DNPEP: variants seen among roughly 807,000 people sequenced by gnomAD.
DNPEP encodes the protein aspartyl aminopeptidase.
A neutral mutation model predicts 59.1 loss-of-function variants in DNPEP; 46 were observed. That is an observed-to-expected ratio of 0.78 (90% CI 0.61 to 0.99). The LOEUF is 0.99. Ranked by LOEUF, DNPEP falls within the 50% of genes least tolerant of loss-of-function variation. DNPEP has a pLI of 0.00. For missense variants in DNPEP, 617 were observed against 649.9 expected (o/e 0.95, Z 0.55); for synonymous variants, 229 against 242.2 (o/e 0.95, Z 0.50).
intron 9 of DNPEP, 87 bp downstream of exon 9, chr2:219,384,279 T>G: frequency 7.5e-7 from 1 of 1,327,364 alleles, no homozygotes; most frequent in Non-Finnish European, 1.0e-6. Context: ...TCTCACAACC[T>G]GCTGGGGCTT....
At chr2:219,397,302 C>T (rs1567704) in intron 1 of DNPEP, among the ~76,000 whole-genome samples, 132,860 of 151,554 alleles carry the variant, frequency 0.88, 60,233 homozygotes, top group Non-Finnish European at 0.99. Flanking sequence ...ACCACTGAGA[C>T]TGGCAAACAC....
chr2:219,374,280 T>C lies in DNPEP; in HGVS notation c.*12A>G. 1 of 1,613,362 alleles carries C rather than the reference T, an allele frequency of 6.2e-7. No individual in the cohort carries two copies. ...GTGCAAAGGGATGGCAGAGAAGTCT[T>C]TCCAAGAGGGCTCAATCCACTAAGA... On this transcript the variant is annotated 3_prime_UTR_variant, in exon 15 of 15. Transcript: ENST00000273075.
chr2:219,381,309 C>T lies in DNPEP; in HGVS notation c.1239+26G>A, dbSNP rs562206385. ...CCCCCACCAAGCTCCCTCCATCACA[C>T]CTTCCCAGGCAGGGCCCACCCTCAC... On this transcript the variant is annotated intron_variant, in intron 13 of 14. Transcript: ENST00000273075. The T allele has an allele frequency of 9.3e-6, 15 of 1,607,290 alleles. No individual in the cohort carries two copies. In the African/African-American group the frequency reaches 1.9e-4, roughly 20 times the overall value.
chr2:219,387,457 A>G (rs1475667864), intron 1 of DNPEP: 2 of 1,429,284 alleles, frequency 1.4e-6, no homozygotes, highest in African/African-American at 1.4e-5. Flanking sequence ...TCTGCTCCCA[A>G]ACTCCGGGAT....
At chr2:219,380,379 G>A (rs1361252320) in intron 13 of DNPEP, among the ~76,000 whole-genome samples, 2 of 151,666 alleles carry the variant, frequency 1.3e-5, no homozygotes, top group Non-Finnish European at 2.9e-5. Context: ...GCACCACTCC[G>A]CCTGCCTAAT....
Position 219,375,871 on chromosome 2 carries a change from A to G in DNPEP, c.1240-849T>C, listed in dbSNP as rs142745463. On this transcript the variant is annotated intron_variant, in intron 13 of 14. Transcript: ENST00000273075. Reference sequence around the variant, plus strand: ...CACCTGGCTTCATGATTTTTAAAATATGTACTTTTTTCTTGCTATGTCCAT... The same window carrying G: ...CACCTGGCTTCATGATTTTTAAAATGTGTACTTTTTTCTTGCTATGTCCAT... Among the ~76,000 whole-genome samples the G allele has an allele frequency of 6.0e-3, 909 of 152,254 alleles. 5 individuals carry two copies. Among genetic ancestry groups the G allele is most frequent in the Non-Finnish European group, 7.0e-3 (475 of 68,028 alleles).
chr2:219,381,374 C>T lies in DNPEP; in HGVS notation c.1200G>A (p.Leu400=), dbSNP rs201753090. 47 of 1,614,124 alleles carry T rather than the reference C, an allele frequency of 2.9e-5. No individual in the cohort carries two copies. The highest frequency in any genetic ancestry group is 3.9e-5 in the Non-Finnish European group (46 of 1,180,054). ...TGACTTTGTTGGCCACCTCTCGGAT[C>T]AGGGCCTCTGACACCGCGTTTGAAG... ...RYASNAVSEA[L]IREVANKVKV... The change falls in exon 13 of 15, where the codon CTG becomes CTA. Residue 400 remains leucine, a synonymous_variant. Coordinates refer to ENST00000273075, the MANE Select transcript of DNPEP (RefSeq NM_012100.4).
At chr2:219,392,324 G>A (rs2125150985), upstream of DNPEP, among the ~76,000 whole-genome samples, 1 of 151,860 alleles carries the variant, frequency 6.6e-6, no homozygotes, top group South Asian at 2.1e-4. Flanking sequence ...ACTTCAGTGT[G>A]AGTTTATAAG....
chr2:219,395,173 C>T (rs1346722942), intron 1 of DNPEP, among the ~76,000 whole-genome samples: 1 of 152,126 alleles, frequency 6.6e-6, no homozygotes, highest in Non-Finnish European at 1.5e-5. Context: ...GTCTCGAACT[C>T]CTGACCTCAA....
chr2:219,374,943 A>C lies in DNPEP; in HGVS notation c.1319T>G (p.Leu440Arg). 1 of 1,614,158 alleles carries C rather than the reference A, an allele frequency of 6.2e-7. No homozygotes were observed. Among genetic ancestry groups the C allele is most frequent in the Non-Finnish European group, 8.5e-7 (1 of 1,180,030 alleles). The change falls in exon 14 of 15, where the codon CTG becomes CGG. Residue 440 changes from leucine to arginine, a missense_variant. Transcript: ENST00000273075. The part of the protein sequence containing the change: ...ILASRLGLRV[L>R]DLGSPQLAMH... ...GGCCAGTTGGGGGCTGCCTAAATCC[A>C]GCACCCGCAGCCCCAGCCGAGAAGC...
intron 1 of DNPEP, 138 bp from the exon 2 acceptor site, chr2:219,387,301 G>A (rs528766048): frequency 1.1e-5 from 16 of 1,449,018 alleles, no homozygotes; most frequent in South Asian, 2.9e-5. Flanking sequence ...CGTCCCCACC[G>A]AGAGACCCAA....
At position 219,376,638 on chromosome 2, in the gene DNPEP, C is replaced by A. The variant is rs905109785; in HGVS notation, c.1240-1616G>T. The stretch of plus-strand genomic sequence containing the variant: ...AATAGGAATGATATTCCATGATAAC[C>A]AAAGAACCCTAGTTGATTGGAGGGA... On this transcript the variant is annotated intron_variant, in intron 13 of 14. Transcript: ENST00000273075. Among the ~76,000 whole-genome samples the A allele has an allele frequency of 2.6e-5, 4 of 151,992 alleles. 1 individual carries two copies. In the East Asian group the frequency reaches 7.7e-4, roughly 29 times the overall value.
chr2:219,394,738 A>T (rs1954069339), intron 1 of DNPEP, among the ~76,000 whole-genome samples: 5 of 152,196 alleles, frequency 3.3e-5, no homozygotes, highest in Admixed American at 3.3e-4. Context: ...TCTGAACTAT[A>T]TATATTCTCA....
rs1269978850 is a variant in DNPEP, at chr2:219,373,062, CTT to C, written c.*1228_*1229del. ...AGGTTGGTTTATAAGCAGGCTTTGA[CTT>C]TTTCTTTTTCTTTTTTTTTTTTTGA... On this transcript the variant is annotated 3_prime_UTR_variant, in exon 15 of 15. Transcript: ENST00000273075. 2.7e-5 allele frequency among the ~76,000 whole-genome samples: 4 copies of C among 149,398 alleles called. No individual in the cohort carries two copies. Among genetic ancestry groups the C allele is most frequent in the African/African-American group, 1.0e-4 (4 of 39,974 alleles).
Position 219,386,921 on chromosome 2 carries a change from CA to C in DNPEP, c.189del (p.Glu64ArgfsTer13). 1 of 1,609,446 alleles carries C rather than the reference CA, an allele frequency of 6.2e-7. No individual in the cohort carries two copies. The highest frequency in any genetic ancestry group is 1.1e-5 in the South Asian group (1 of 91,014). ...CTCTCGGGCTTAATATTCCATTTCT[CA>C]GTCTCCTTGAGTTCACTGAAGCCAG... ...LQAGFSELKE[T>X]EKWNIKPESK... On this transcript the variant is annotated frameshift_variant, in exon 3 of 15. Transcript: ENST00000273075. LOFTEE classifies it high-confidence loss of function.
intron 1 of DNPEP, among the ~76,000 whole-genome samples, chr2:219,395,040 C>T (rs1406823529): frequency 6.6e-6 from 1 of 152,044 alleles, no homozygotes; most frequent in East Asian, 1.9e-4. Flanking sequence ...ACTGCAACCT[C>T]CACCTCCTGT....
At chr2:219,384,943 G>A in intron 8 of DNPEP, 1 of 162,654 alleles carries the variant, frequency 6.1e-6, no homozygotes, top group Non-Finnish European at 1.3e-5. Context: ...CTTCCTGTGG[G>A]TCAAGAAAAG....
At chr2:219,388,204 C>T (rs1319178241), upstream of DNPEP, among the ~76,000 whole-genome samples, 2 of 143,748 alleles carry the variant, frequency 1.4e-5, no homozygotes, top group Non-Finnish European at 3.1e-5. Context: ...CCCCGCCTCT[C>T]GCCAGGCTGC....
At chr2:219,375,852 G>C (rs1204104522) in intron 13 of DNPEP, among the ~76,000 whole-genome samples, 1 of 152,118 alleles carries the variant, frequency 6.6e-6, no homozygotes, top group Non-Finnish European at 1.5e-5. Flanking sequence ...ACCACACCTG[G>C]CTTCATGATT....
Sources: gnomAD v4.1 joint callset for allele counts (sites outside exome capture counted in the v4.1 genomes callset) on GRCh38, gnomAD v4.1.1 for gene constraint, MANE v1.5 for transcripts, NCBI Gene and HGNC (gene_info 2026-07-23, HGNC 2026-07-21) for gene names.